SDK1: variants seen among roughly 807,000 people sequenced by gnomAD.
SDK1 encodes sidekick cell adhesion molecule 1.
A neutral mutation model predicts 245.5 loss-of-function variants in SDK1; 157 were observed. The ratio of observed to expected loss-of-function variants is 0.64; its 90% CI spans 0.56 to 0.73. SDK1 has a LOEUF of 0.73. SDK1 is among the 30% of genes least tolerant of loss of function. SDK1 has a pLI of 0.00. For missense variants in SDK1, 3,583 were observed against 3,002.3 expected (o/e 1.19, Z -4.52); for synonymous variants, 1,647 against 1,278.5 (o/e 1.29, Z -6.15).
chr7:3,499,023 T>G (rs757182261), intron 1 of SDK1, among the ~76,000 whole-genome samples: 5 of 152,210 alleles, frequency 3.3e-5, no homozygotes, highest in Non-Finnish European at 7.3e-5. Context: ...AAAATTTTGT[T>G]TTATACTTTG....
At chr7:3,474,126 A>T (rs1781272960) in intron 1 of SDK1, among the ~76,000 whole-genome samples, 2 of 65,174 alleles carry the variant, frequency 3.1e-5, no homozygotes, top group East Asian at 4.7e-4. Context: ...TTTTTTTGAG[A>T]CCGTGTCTCT....
chr7:3,990,969 A>T (rs1264875057), intron 14 of SDK1, among the ~76,000 whole-genome samples: 1 of 152,216 alleles, frequency 6.6e-6, no homozygotes, highest in African/African-American at 2.4e-5. Context: ...ACAGCGGTGA[A>T]GCCAGCTGGG....
intron 33 of SDK1, among the ~76,000 whole-genome samples, chr7:4,174,640 G>A (rs375184344): frequency 2.2e-4 from 33 of 152,260 alleles, no homozygotes; most frequent in South Asian, 2.1e-4. Flanking sequence ...CTCTACCGGC[G>A]TCAGTGGGGA....
chr7:3,741,652 A>C (rs1200745306), intron 4 of SDK1, among the ~76,000 whole-genome samples: 1 of 152,168 alleles, frequency 6.6e-6, no homozygotes, highest in Non-Finnish European at 1.5e-5. Context: ...CTAGGAGTGT[A>C]TCATTTACAT....
intron 4 of SDK1, among the ~76,000 whole-genome samples, chr7:3,747,525 G>C (rs569009470): frequency 3.1e-4 from 47 of 152,276 alleles, no homozygotes; most frequent in Admixed American, 5.9e-4. Context: ...GCTGTCGTGG[G>C]CCTTGTCTAT....
chr7:4,183,146 G>A (rs1213096015), intron 35 of SDK1, among the ~76,000 whole-genome samples: 2 of 152,206 alleles, frequency 1.3e-5, no homozygotes, highest in African/African-American at 4.8e-5. Context: ...CGGGGCCACA[G>A]GACCCCCTAA....
At chr7:3,917,382 C>A (rs1779420923) in intron 5 of SDK1, among the ~76,000 whole-genome samples, 1 of 152,092 alleles carries the variant, frequency 6.6e-6, no homozygotes, top group African/African-American at 2.4e-5. Context: ...GGTTTCTCTC[C>A]AGGGTAGACG....
intron 23 of SDK1, among the ~76,000 whole-genome samples, chr7:4,111,533 AAAAAAACAATGAG>A (rs1783347310): frequency 6.6e-6 from 1 of 152,224 alleles, no homozygotes; most frequent in Admixed American, 6.5e-5. Context: ...GAGTTAAAAA[AAAAAAACAATGAG>A]AGATGCTATT....
chr7:3,771,044 A>G (rs1159814190), intron 4 of SDK1, among the ~76,000 whole-genome samples: 1 of 152,010 alleles, frequency 6.6e-6, no homozygotes, highest in African/African-American at 2.4e-5. Flanking sequence ...TGTCCCTTGC[A>G]CTAATTGATG....
At chr7:3,686,440 G>A (rs1440328638) in intron 4 of SDK1, among the ~76,000 whole-genome samples, 2 of 152,250 alleles carry the variant, frequency 1.3e-5, no homozygotes, top group South Asian at 4.2e-4. Context: ...GAGCATATTT[G>A]TATTAGGTGT....
chr7:3,437,064 G>A (rs1780049956), intron 1 of SDK1, among the ~76,000 whole-genome samples: 1 of 152,118 alleles, frequency 6.6e-6, no homozygotes. Context: ...ATTTCACATT[G>A]CTTTTCTTTC....
intron 5 of SDK1, among the ~76,000 whole-genome samples, chr7:3,919,020 A>C (rs948775592): frequency 1.3e-5 from 2 of 152,218 alleles, no homozygotes; most frequent in Admixed American, 6.5e-5. Flanking sequence ...AACTATTACT[A>C]TCATTGCTAA....
At chr7:3,574,702 C>T (rs963104492) in intron 1 of SDK1, among the ~76,000 whole-genome samples, 2 of 152,072 alleles carry the variant, frequency 1.3e-5, no homozygotes, top group Non-Finnish European at 2.9e-5. Flanking sequence ...TGATGGAATA[C>T]TGTACTGCCT....
At chr7:4,213,307 A>G (rs1044228441) in intron 38 of SDK1, among the ~76,000 whole-genome samples, 9 of 151,742 alleles carry the variant, frequency 5.9e-5, no homozygotes, top group African/African-American at 2.2e-4. Flanking sequence ...CAGCTACTCC[A>G]GAGGCTGAGG....
rs879695184 is a variant in SDK1 at position 3,338,634 on chromosome 7, A to AC, written c.298+36750_298+36751insC. The AC allele has an allele frequency of 1.6e-5, 3 of 185,178 alleles. No homozygotes were observed. In the East Asian group the frequency reaches 3.8e-4, roughly 24 times the overall value. The allele number at this position is 185,178 out of a possible 1,614,324, so 11.5% of individuals were successfully genotyped here. On this transcript the variant is annotated intron_variant, in intron 1 of 44. Coordinates refer to ENST00000404826, the MANE Select transcript of SDK1 (RefSeq NM_152744.4). ...TAAAAACAAACAAACAAACAAACAA[A>AC]AAAAAACACCAAAACAAGAAAATAC... is the stretch of plus-strand genomic sequence containing the variant.
At chr7:4,152,018 A>C (rs936924499) in intron 30 of SDK1, among the ~76,000 whole-genome samples, 1 of 152,226 alleles carries the variant, frequency 6.6e-6, no homozygotes, top group Non-Finnish European at 1.5e-5. Context: ...TCCCCTTAGT[A>C]GCTGCGTGGC....
At chr7:3,879,774 T>C (rs1056558590) in intron 5 of SDK1, among the ~76,000 whole-genome samples, 12 of 152,254 alleles carry the variant, frequency 7.9e-5, no homozygotes, top group African/African-American at 2.9e-4. Context: ...AGAGAAGTTA[T>C]AGCCTGGGCT....
intron 1 of SDK1, among the ~76,000 whole-genome samples, chr7:3,320,163 C>G (rs952205031): frequency 3.3e-5 from 5 of 152,016 alleles, no homozygotes; most frequent in Admixed American, 6.5e-5. Flanking sequence ...CCCTCTCATT[C>G]TCTCCTGCCC....
chr7:3,966,851 A>T (rs1455979447), intron 9 of SDK1, among the ~76,000 whole-genome samples: 3 of 151,908 alleles, frequency 2.0e-5, no homozygotes, highest in African/African-American at 7.3e-5. Context: ...ATGCCTGGCT[A>T]ATTTTTCATT....
Sources: allele counts gnomAD v4.1 joint callset (sites outside exome capture counted in the v4.1 genomes callset), GRCh38; gene constraint gnomAD v4.1.1; transcripts MANE v1.5; gene names NCBI Gene and HGNC (gene_info 2026-07-23, HGNC 2026-07-21).